The following EIF4E3 variants were observed in gnomAD, a reference collection of about 807,000 sequenced individuals.
EIF4E3 encodes eukaryotic translation initiation factor 4E type 3.
Under a neutral mutation model 31.7 loss-of-function variants are expected in EIF4E3, and 26 were observed. The observed-to-expected ratio is 0.82, with a 90% confidence interval of 0.60 to 1.14. EIF4E3 has a LOEUF of 1.14. Ranked by LOEUF, EIF4E3 falls within the 50% of genes most tolerant of loss-of-function variation. The probability of loss-of-function intolerance (pLI) is 0.00; values close to 1 mark genes in which losing one functional copy is unlikely to be tolerated. For synonymous variants in EIF4E3, 128 were observed against 107.7 expected (o/e 1.19, Z -1.17); for missense variants, 304 against 270.9 (o/e 1.12, Z -0.86).
chr3:71,712,727 C>T (rs1209838240), intron 1 of EIF4E3, among the ~76,000 whole-genome samples: 2 of 151,056 alleles, frequency 1.3e-5, no homozygotes, highest in African/African-American at 4.9e-5. Context: ...ATTTTTTTAA[C>T]TAATTTTTAA....
At position 71,699,636 on chromosome 3, in the gene EIF4E3, T is replaced by C; in HGVS notation, c.322A>G (p.Arg108Gly). Residue 108 changes from arginine to glycine, a missense_variant, in exon 3 of 7, where the codon AGA (arginine) becomes GGA (glycine). By Grantham distance (125) the Arg-to-Gly change is moderately radical (BLOSUM62 -2). Coordinates refer to ENST00000425534, the MANE Select transcript of EIF4E3 (RefSeq NM_001134651.2). Reference protein sequence around the residue: ...LPLRCSYHLMRGERRPLWEEE... With the variant: ...LPLRCSYHLMGGERRPLWEEE... ...TACCAAAGTGGTCGCCTCTCTCCTC[T>C]CATTAAATGATAACTACATCTCAAA... 3 of 1,613,776 alleles carry C rather than the reference T, an allele frequency of 1.9e-6. No homozygotes were observed. Among genetic ancestry groups the C allele is most frequent in the Non-Finnish European group, 1.7e-6 (2 of 1,179,892 alleles).
At chr3:71,673,925 AT>A (rs1559581248), downstream of EIF4E3, among the ~76,000 whole-genome samples, 2 of 142,890 alleles carry the variant, frequency 1.4e-5, no homozygotes, top group African/African-American at 5.1e-5. Context: ...ATATATATAT[AT>A]ATATAAAAAA....
Position 71,711,426 on chromosome 3 carries a change from A to G in EIF4E3, c.177-942T>C, listed in dbSNP as rs188871420. On this transcript the variant is annotated intron_variant, in intron 1 of 6. Coordinates refer to ENST00000425534, the MANE Select transcript of EIF4E3 (RefSeq NM_001134651.2). ...AAAGCACCTCAATCACAGCTGACCC[A>G]CTAGGATCTGGAATCTATAAAAGCA... 2.0e-5 allele frequency among the ~76,000 whole-genome samples: 3 copies of G among 152,338 alleles called. No homozygotes were observed. The East Asian group carries it at 5.8e-4, about 29-fold the overall frequency.
chr3:71,667,022 G>A, the EIF4E3 span, among the ~76,000 whole-genome samples: 85 of 152,200 alleles, frequency 5.6e-4, no homozygotes, highest in African/African-American at 1.3e-3. Flanking sequence ...CTAGCAAACC[G>A]AATGCAGCAG....
At chr3:71,692,802 G>A (rs1296570509) in intron 5 of EIF4E3, among the ~76,000 whole-genome samples, 1 of 151,908 alleles carries the variant, frequency 6.6e-6, no homozygotes, top group Non-Finnish European at 1.5e-5. Context: ...TCTATGTTAC[G>A]TAGGGTGGTT....
chr3:71,697,203 G>C (rs1446482629), intron 3 of EIF4E3, among the ~76,000 whole-genome samples: 1 of 151,932 alleles, frequency 6.6e-6, no homozygotes. Flanking sequence ...TTTTTTTAGA[G>C]ACAGGGTCTC....
rs115185789 is a variant in EIF4E3 at position 71,695,325 on chromosome 3, A to G, written c.405+1135T>C. On this transcript the variant is annotated intron_variant, in intron 4 of 6. Coordinates refer to ENST00000425534, the MANE Select transcript of EIF4E3 (RefSeq NM_001134651.2). ...CTGGGATGAGGGCATTTGCACGGAT[A>G]TGAAAGCGTTATTATTTGTGACCCA... Among the ~76,000 whole-genome samples, 849 of 152,336 alleles carry G rather than the reference A, an allele frequency of 5.6e-3. 6 individuals carry two copies. Among genetic ancestry groups the G allele is most frequent in the African/African-American group, 0.02 (816 of 41,568 alleles).
In EIF4E3 at chr3:71,690,132, C is replaced by G. The variant is rs1164880439; in HGVS notation, c.506G>C (p.Arg169Pro). Residue 169 changes from arginine to proline, a missense_variant, in exon 6 of 7, where the codon CGG becomes CCG. Arg to Pro is a moderately radical substitution (Grantham distance 103). Transcript: ENST00000425534. ...DEVIGVSVSV[R>P]DREDVVQVWN... ...GACTTGGACGACGTCTTCTCGGTCCCGAACACTGACACTAACTCCTATTAC... is the reference window on the plus strand; with the variant it reads ...GACTTGGACGACGTCTTCTCGGTCCGGAACACTGACACTAACTCCTATTAC... 6.2e-7 allele frequency: 1 copy of G among 1,612,790 alleles called. No homozygotes were observed. Among genetic ancestry groups the G allele is most frequent in the African/African-American group, 1.3e-5 (1 of 74,652 alleles).
At chr3:71,692,873 T>C (rs1001462886) in intron 5 of EIF4E3, among the ~76,000 whole-genome samples, 1 of 152,112 alleles carries the variant, frequency 6.6e-6, no homozygotes, top group African/African-American at 2.4e-5. Context: ...GGGATTACAG[T>C]CATGGGCCAC....
intron 1 of EIF4E3, among the ~76,000 whole-genome samples, chr3:71,746,800 C>T (rs565597700): frequency 1.3e-5 from 2 of 152,290 alleles, no homozygotes; most frequent in East Asian, 1.9e-4. Context: ...TCCTTTCCCC[C>T]AGCTCCCAGC....
At position 71,739,521 on chromosome 3, in the gene EIF4E3, C is replaced by T. The variant is rs112864670; in HGVS notation, c.-290-10898G>A. The stretch of plus-strand genomic sequence containing the variant: ...GACCAGTCTGGGCAACATGGTGAAA[C>T]CCTGTCTCTACCAAAAAATTAAAAA... On this transcript the variant is annotated intron_variant, in intron 1 of 7. Coordinates refer to the EIF4E3 transcript ENST00000295612. 2.3e-3 allele frequency among the ~76,000 whole-genome samples: 357 copies of T among 152,080 alleles called. 4 individuals carry two copies. Among genetic ancestry groups the T allele is most frequent in the African/African-American group, 8.1e-3 (337 of 41,494 alleles).
chr3:71,677,224 A>T lies in EIF4E3; in HGVS notation c.*7458T>A, dbSNP rs528133250. The T allele has an allele frequency of 7.9e-5, 12 of 152,356 alleles. No homozygotes were observed. The South Asian group carries it at 2.5e-3, about 32-fold the overall frequency. 9.4% of individuals were successfully genotyped at this position (152,356 alleles called of 1,614,324 possible). ...CCTAGCCAGATGATGGGAAATAGAA[A>T]CATATTTTAATGACATATATTTTAA... On this transcript the variant is annotated 3_prime_UTR_variant, in exon 7 of 7. Coordinates refer to ENST00000425534, the MANE Select transcript of EIF4E3 (RefSeq NM_001134651.2).
At chr3:71,697,532 T>A (rs537863465) in intron 3 of EIF4E3, among the ~76,000 whole-genome samples, 1 of 152,314 alleles carries the variant, frequency 6.6e-6, no homozygotes, top group African/African-American at 2.4e-5. Context: ...ACTGTATTTT[T>A]GTACCCATTA....
At chr3:71,704,696 G>C (rs2108061815) in intron 2 of EIF4E3, among the ~76,000 whole-genome samples, 1 of 152,342 alleles carries the variant, frequency 6.6e-6, no homozygotes, top group African/African-American at 2.4e-5. Context: ...GGTCAGGAGG[G>C]GTCAGGGGTA....
At chr3:71,717,907 CAAGTTA>C (rs1442756062) in intron 1 of EIF4E3, among the ~76,000 whole-genome samples, 1 of 152,162 alleles carries the variant, frequency 6.6e-6, no homozygotes, top group Non-Finnish European at 1.5e-5. Flanking sequence ...TTCATATTAA[CAAGTTA>C]AAGTGGGAAA....
rs1009101939 is a variant in EIF4E3 at position 71,679,887 on chromosome 3, C to G, written c.*4795G>C. ...TTTAATCTTGTTCAATGATGCTGAA[C>G]CCCAGATGCCATAAGACATTATAGA... On this transcript the variant is annotated 3_prime_UTR_variant, in exon 7 of 7. Transcript: ENST00000425534. 1 of 152,116 alleles carries G rather than the reference C, an allele frequency of 6.6e-6. No homozygotes were observed. Among genetic ancestry groups the G allele is most frequent in the Non-Finnish European group, 1.5e-5 (1 of 68,016 alleles). The allele number at this position is 152,116 out of a possible 1,614,324, so 9.4% of individuals were successfully genotyped here.
Position 71,693,942 on chromosome 3 carries a change from C to A in EIF4E3, c.406-1G>T. On this transcript the variant is annotated splice_acceptor_variant, in intron 4 of 6. Transcript: ENST00000425534. LOFTEE classifies it high-confidence loss of function. ...ACAGCAACTCTTTCCAAACTGTGGACTGATATGGGAAAAGAATAAAAAACA... is the reference window on the plus strand; with the variant it reads ...ACAGCAACTCTTTCCAAACTGTGGAATGATATGGGAAAAGAATAAAAAACA... The A allele has an allele frequency of 6.3e-7, 1 of 1,576,752 alleles. No individual in the cohort carries two copies. Among genetic ancestry groups the A allele is most frequent in the South Asian group, 1.2e-5 (1 of 86,288 alleles).
intron 1 of EIF4E3, among the ~76,000 whole-genome samples, chr3:71,723,438 A>G (rs2049581387): frequency 1.3e-5 from 2 of 152,232 alleles, no homozygotes; most frequent in South Asian, 4.1e-4. Flanking sequence ...ATTTCATTTG[A>G]TGATCGACCT....
upstream of EIF4E3, chr3:71,753,645 TCCGCGGCGG>T (rs1449427004): frequency 1.4e-5 from 2 of 144,502 alleles, no homozygotes; most frequent in African/African-American, 5.0e-5. Flanking sequence ...GGGAGGGGGC[TCCGCGGCGG>T]CGGCGGCGGC....
Sources: allele counts gnomAD v4.1 joint callset (sites outside exome capture counted in the v4.1 genomes callset), GRCh38; gene constraint gnomAD v4.1.1; transcripts MANE v1.5; gene names NCBI Gene and HGNC (gene_info 2026-07-23, HGNC 2026-07-21).